CCDC170: variants seen among roughly 807,000 people sequenced by gnomAD.
The protein encoded by CCDC170 is coiled-coil domain containing 170, also known as coiled-coil domain-containing protein 170.
Under a neutral mutation model 72.6 loss-of-function variants are expected in CCDC170, and 69 were observed. That is an observed-to-expected ratio of 0.95 (90% CI 0.78 to 1.16). The LOEUF (loss-of-function observed/expected upper bound fraction) is 1.16, where lower values mean the gene tolerates loss of function less well. Ranked by LOEUF, CCDC170 falls within the 50% of genes most tolerant of loss-of-function variation. CCDC170 has a pLI of 0.00. For missense variants in CCDC170, 852 were observed against 832.5 expected, an observed-to-expected ratio of 1.02 and a Z score of -0.29; for synonymous variants, 300 against 303.9, an observed-to-expected ratio of 0.99 and a Z score of 0.13.
At chr6:151,599,414 T>C (rs34818628) in intron 9 of CCDC170, among the ~76,000 whole-genome samples, 169 of 152,216 alleles carry the variant, frequency 1.1e-3, no homozygotes, top group Non-Finnish European at 2.1e-3. Flanking sequence ...CAACAGTTGT[T>C]TGGAGTAGAG....
chr6:151,533,667 CAAAAA>C (rs11347240), intron 1 of CCDC170, among the ~76,000 whole-genome samples: 1 of 141,426 alleles, frequency 7.1e-6, no homozygotes, highest in Non-Finnish European at 1.5e-5. Flanking sequence ...AACTCCATCT[CAAAAA>C]AAAAAAAAAA....
At chr6:151,610,802 G>T (rs929500127) in intron 9 of CCDC170, among the ~76,000 whole-genome samples, 1 of 152,164 alleles carries the variant, frequency 6.6e-6, no homozygotes, top group Non-Finnish European at 1.5e-5. Flanking sequence ...CACTGGCTCT[G>T]TTGCTCACTT....
chr6:151,605,230 C>T (rs563854071), intron 9 of CCDC170, among the ~76,000 whole-genome samples: 1 of 152,322 alleles, frequency 6.6e-6, no homozygotes, highest in East Asian at 1.9e-4. Context: ...GGATTTCATG[C>T]TTTATTATGG....
intron 1 of CCDC170, among the ~76,000 whole-genome samples, chr6:151,528,798 A>G (rs1782449517): frequency 6.6e-6 from 1 of 152,088 alleles, no homozygotes; most frequent in Non-Finnish European, 1.5e-5. Context: ...AGATCGTGCC[A>G]CTGCACTCCA....
intron 1 of CCDC170, among the ~76,000 whole-genome samples, chr6:151,510,684 G>A (rs1317905532): frequency 1.3e-5 from 2 of 152,008 alleles, no homozygotes; most frequent in African/African-American, 4.8e-5. Flanking sequence ...TAGATAGAAA[G>A]GGACTTTCAC....
chr6:151,600,537 T>A (rs1434974067), intron 9 of CCDC170, among the ~76,000 whole-genome samples: 4 of 152,122 alleles, frequency 2.6e-5, no homozygotes, highest in African/African-American at 9.7e-5. Context: ...GATCTCATCA[T>A]GAGACTCTTA....
intron 3 of CCDC170, among the ~76,000 whole-genome samples, chr6:151,541,147 C>G (rs1015487045): frequency 6.6e-6 from 1 of 152,124 alleles, no homozygotes; most frequent in Non-Finnish European, 1.5e-5. Flanking sequence ...GCTCTTCCCC[C>G]AGATATCACA....
At position 151,541,865 on chromosome 6, in the gene CCDC170, AATAT is replaced by A. The variant is rs1182684013; in HGVS notation, c.444-2688_444-2685del. Among the ~76,000 whole-genome samples, 318 of 120,156 alleles carry A rather than the reference AATAT, an allele frequency of 2.6e-3. 6 individuals carry two copies. In the South Asian group the frequency reaches 0.044, roughly 17 times the overall value. 78.8% of individuals were successfully genotyped at this position (120,156 alleles called of 152,430 possible). On this transcript the variant is annotated intron_variant, in intron 3 of 10. Coordinates refer to ENST00000239374, the MANE Select transcript of CCDC170 (RefSeq NM_025059.4). ...AGTATATATAAAAAATATAAATATAAATATATATATATATATATATATTTTTTTT... is the reference window on the plus strand; with the variant it reads ...AGTATATATAAAAAATATAAATATAAATATATATATATATATATTTTTTTT...
chr6:151,564,188 A>T (rs2115077173), intron 5 of CCDC170, among the ~76,000 whole-genome samples: 1 of 152,300 alleles, frequency 6.6e-6, no homozygotes, highest in Middle Eastern at 3.4e-3. Flanking sequence ...CTGGAGATGC[A>T]TCTGTGATGT....
intron 1 of CCDC170, 70 bp from the exon 2 acceptor site, chr6:151,536,248 T>C (rs1782576924): frequency 1.3e-6 from 2 of 1,566,110 alleles, no homozygotes; most frequent in Admixed American, 3.4e-5. Flanking sequence ...AATCTGGCTT[T>C]GTGCAGCTGC....
rs1280546623 is a variant in CCDC170, at chr6:151,615,434, A to G, written c.1711-9A>G. ...AAAAGGAGTTATCAGCATTCTCTTG[A>G]CTTTCTAGATTAAAACTTTGGAACA... On this transcript the variant is annotated splice_polypyrimidine_tract_variant and intron_variant, in intron 9 of 10. Coordinates refer to ENST00000239374, the MANE Select transcript of CCDC170 (RefSeq NM_025059.4). The G allele has an allele frequency of 6.3e-7, 1 of 1,589,660 alleles. No homozygotes were observed. Among genetic ancestry groups the G allele is most frequent in the South Asian group, 1.1e-5 (1 of 89,826 alleles).
rs752075483 is a variant in CCDC170, at chr6:151,585,979, C to G, written c.1183C>G (p.Gln395Glu). 6 of 1,613,910 alleles carry G rather than the reference C, an allele frequency of 3.7e-6. No homozygotes were observed. The East Asian group carries it at 1.3e-4, about 36-fold the overall frequency. The change falls in exon 7 of 11, where the codon CAG becomes GAG. Residue 395 changes from glutamine to glutamate, a missense_variant. Transcript: ENST00000239374. ...GFHQKALQRA[Q>E]KAENMLETLQ... ...TCACCAGAAAGCTCTCCAGAGGGCC[C>G]AGAAAGCAGAGAATATGTTGGAGAC...
chr6:151,616,982 T>A (rs1709219020), intron 10 of CCDC170, among the ~76,000 whole-genome samples: 2 of 152,178 alleles, frequency 1.3e-5, no homozygotes, highest in African/African-American at 4.8e-5. Context: ...GGTCATAAAA[T>A]TCAAACTGTA....
At chr6:151,561,042 T>C (rs565482889) in intron 5 of CCDC170, among the ~76,000 whole-genome samples, 2 of 152,208 alleles carry the variant, frequency 1.3e-5, no homozygotes, top group Middle Eastern at 3.4e-3. Flanking sequence ...AAAGTAAAAA[T>C]TATTTTAATT....
intron 2 of CCDC170, among the ~76,000 whole-genome samples, chr6:151,537,557 A>G (rs1236321930): frequency 6.6e-6 from 1 of 152,150 alleles, no homozygotes; most frequent in Admixed American, 6.5e-5. Flanking sequence ...CCAGAAATTT[A>G]AATGTTATTT....
At chr6:151,612,667 A>C (rs924447020) in intron 9 of CCDC170, among the ~76,000 whole-genome samples, 1 of 152,078 alleles carries the variant, frequency 6.6e-6, no homozygotes, top group Non-Finnish European at 1.5e-5. Context: ...CCTTCCTGAC[A>C]ATCTCCCCCT....
At chr6:151,541,670 A>G (rs948435084) in intron 3 of CCDC170, among the ~76,000 whole-genome samples, 9 of 151,798 alleles carry the variant, frequency 5.9e-5, no homozygotes, top group Non-Finnish European at 1.0e-4. Flanking sequence ...AAAAGTGCCA[A>G]GAAGAAATTA....
chr6:151,617,864 G>C, intron 10 of CCDC170, 83 bp from the exon 11 acceptor site: 1 of 1,383,170 alleles, frequency 7.2e-7, no homozygotes, highest in East Asian at 2.3e-5. Flanking sequence ...GTTTTCTACA[G>C]GTTTTTTGTT....
chr6:151,537,471 C>A, intron 2 of CCDC170, among the ~76,000 whole-genome samples: 1 of 152,198 alleles, frequency 6.6e-6, no homozygotes, highest in East Asian at 1.9e-4. Flanking sequence ...TTCGATATCA[C>A]AGAACTCATA....
Sources: gnomAD v4.1 joint callset for allele counts (sites outside exome capture counted in the v4.1 genomes callset) on GRCh38, gnomAD v4.1.1 for gene constraint, MANE v1.5 for transcripts, NCBI Gene and HGNC (gene_info 2026-07-23, HGNC 2026-07-21) for gene names.